TMIGD3: variants seen among roughly 807,000 people sequenced by gnomAD.
TMIGD3 encodes the protein transmembrane and immunoglobulin domain containing 3.
Under a neutral mutation model 28.1 loss-of-function variants are expected in TMIGD3, and 21 were observed. The observed-to-expected ratio is 0.75, with a 90% CI of 0.53 to 1.08. The LOEUF (loss-of-function observed/expected upper bound fraction) is 1.08, where lower values mean the gene tolerates loss of function less well. Ranked by LOEUF, TMIGD3 falls within the 50% of genes least tolerant of loss-of-function variation. The pLI, the probability that TMIGD3 is intolerant of heterozygous loss-of-function variation, is 0.00. For missense variants in TMIGD3, 416 were observed against 435.6 expected (o/e 0.96, Z 0.40); for synonymous variants, 151 against 162.1 (o/e 0.93, Z 0.52).
chr1:111,521,740 G>T (rs1656066602), intron 1 of TMIGD3, among the ~76,000 whole-genome samples: 1 of 152,084 alleles, frequency 6.6e-6, no homozygotes, highest in Non-Finnish European at 1.5e-5. Context: ...ATTCTTAAGA[G>T]TGCCTTATGA....
chr1:111,489,763 A>T (rs1654568647), intron 2 of TMIGD3: 1 of 1,018,266 alleles, frequency 9.8e-7, no homozygotes, highest in Non-Finnish European at 1.2e-6. Flanking sequence ...AGGGCTGAAA[A>T]CAGAGGAAGT....
intron 1 of TMIGD3, among the ~76,000 whole-genome samples, chr1:111,549,121 A>T (rs1433452507): frequency 6.6e-6 from 1 of 152,032 alleles, no homozygotes; most frequent in Non-Finnish European, 1.5e-5. Context: ...TTCACAATGG[A>T]TATTGGTCTG....
intron 1 of TMIGD3, among the ~76,000 whole-genome samples, chr1:111,509,965 A>G (rs1441332509): frequency 2.0e-5 from 3 of 152,270 alleles, no homozygotes; most frequent in African/African-American, 7.2e-5. Flanking sequence ...CTTGGCTGCA[A>G]AGCCCTGGCT....
chr1:111,525,213 A>G lies in TMIGD3; in HGVS notation c.108-34451T>C, dbSNP rs559154653. ...ATTGATGGTGTTATTCAGTCTTTCTATATGCTTGCTGACTTCCTGTCTACT... is the reference window on the plus strand; with the variant it reads ...ATTGATGGTGTTATTCAGTCTTTCTGTATGCTTGCTGACTTCCTGTCTACT... On this transcript the variant is annotated intron_variant, in intron 1 of 5. Coordinates refer to the TMIGD3 transcript ENST00000369717. Among the ~76,000 whole-genome samples, 13 of 152,310 alleles carry G rather than the reference A, an allele frequency of 8.5e-5. 2 individuals are homozygous for G. The highest frequency in any genetic ancestry group is 3.1e-4 in the African/African-American group (13 of 41,562).
intron 1 of TMIGD3, among the ~76,000 whole-genome samples, chr1:111,548,087 C>G (rs1657105211): frequency 6.6e-6 from 1 of 152,184 alleles, no homozygotes; most frequent in Non-Finnish European, 1.5e-5. Flanking sequence ...GTGGCACAAT[C>G]TCGGCTCACT....
chr1:111,486,662 A>G lies in TMIGD3; in HGVS notation c.806-10T>C. Reference sequence around the variant, plus strand: ...TTGTTGCCTGATAGGTCTGAATCAGAAAGGATTTGTTAAGTCAGGTGAGGC... The same window carrying G: ...TTGTTGCCTGATAGGTCTGAATCAGGAAGGATTTGTTAAGTCAGGTGAGGC... On this transcript the variant is annotated splice_polypyrimidine_tract_variant and intron_variant, in intron 3 of 5. Coordinates refer to ENST00000369716, the MANE Select transcript of TMIGD3 (RefSeq NM_020683.7). 1 of 1,613,492 alleles carries G rather than the reference A, an allele frequency of 6.2e-7. No homozygotes were observed. Among genetic ancestry groups the G allele is most frequent in the South Asian group, 1.1e-5 (1 of 91,040 alleles).
At chr1:111,515,595 G>T (rs1157816825) in intron 1 of TMIGD3, among the ~76,000 whole-genome samples, 1 of 152,234 alleles carries the variant, frequency 6.6e-6, no homozygotes, top group Non-Finnish European at 1.5e-5. Flanking sequence ...CAGCGGCTGG[G>T]TTCCGCGGCA....
At chr1:111,550,920 G>A (rs534028297) in intron 1 of TMIGD3, among the ~76,000 whole-genome samples, 1 of 152,306 alleles carries the variant, frequency 6.6e-6, no homozygotes, top group Non-Finnish European at 1.5e-5. Context: ...TGTTAGATGT[G>A]TACATGTTTA....
At chr1:111,533,391 T>C (rs545138931) in intron 1 of TMIGD3, among the ~76,000 whole-genome samples, 6 of 152,310 alleles carry the variant, frequency 3.9e-5, no homozygotes, top group South Asian at 2.1e-4. Flanking sequence ...AATAAAATAG[T>C]TTAAGAATGA....
At chr1:111,536,335 A>G (rs1048061962) in intron 1 of TMIGD3, among the ~76,000 whole-genome samples, 2 of 151,978 alleles carry the variant, frequency 1.3e-5, no homozygotes, top group African/African-American at 4.8e-5. Flanking sequence ...CAACTTCCAC[A>G]TTTTTCAGAT....
intron 1 of TMIGD3, among the ~76,000 whole-genome samples, chr1:111,544,009 G>A (rs139687171): frequency 3.3e-4 from 51 of 152,242 alleles, no homozygotes; most frequent in African/African-American, 1.2e-3. Flanking sequence ...GTCTCACTAG[G>A]CATCTATTGG....
intron 1 of TMIGD3, among the ~76,000 whole-genome samples, chr1:111,519,393 G>A (rs2101002027): frequency 6.6e-6 from 1 of 152,212 alleles, no homozygotes; most frequent in African/African-American, 2.4e-5. Flanking sequence ...CTTATCTTCA[G>A]CCATTGTTTA....
chr1:111,520,255 G>A (rs193237675), intron 1 of TMIGD3, among the ~76,000 whole-genome samples: 2 of 152,306 alleles, frequency 1.3e-5, no homozygotes, highest in Admixed American at 1.3e-4. Context: ...TGTTAGTGAA[G>A]TCCAAAGGCC....
chr1:111,535,003 T>C (rs1220949971), intron 1 of TMIGD3, among the ~76,000 whole-genome samples: 1 of 152,190 alleles, frequency 6.6e-6, no homozygotes, highest in Non-Finnish European at 1.5e-5. Context: ...GAAATTAGTA[T>C]AGTATCTAGC....
chr1:111,491,791 T>C (rs1422777076), intron 1 of TMIGD3, among the ~76,000 whole-genome samples: 2 of 152,236 alleles, frequency 1.3e-5, no homozygotes, highest in East Asian at 3.8e-4. Flanking sequence ...TGGAACTTAT[T>C]TGGATCCTGA....
At chr1:111,524,831 G>A (rs962896274) in intron 1 of TMIGD3, among the ~76,000 whole-genome samples, 2 of 151,998 alleles carry the variant, frequency 1.3e-5, no homozygotes, top group African/African-American at 4.8e-5. Flanking sequence ...TGTTGGCCAG[G>A]CTAGTCTCAA....
At chr1:111,483,903 T>G in intron 5 of TMIGD3, 146 bp from the exon 6 acceptor site, 2 of 659,986 alleles carry the variant, frequency 3.0e-6, no homozygotes, top group Non-Finnish European at 5.5e-6. Flanking sequence ...AGATCAGATA[T>G]CATTACTGCA....
chr1:111,518,176 A>C (rs1326112484), intron 1 of TMIGD3, among the ~76,000 whole-genome samples: 2 of 152,176 alleles, frequency 1.3e-5, no homozygotes, highest in African/African-American at 4.8e-5. Flanking sequence ...ACTGTTAGGG[A>C]CTTTTTCTGA....
intron 1 of TMIGD3, among the ~76,000 whole-genome samples, chr1:111,519,754 A>G (rs1655993546): frequency 6.7e-6 from 1 of 148,580 alleles, no homozygotes; most frequent in African/African-American, 2.5e-5. Flanking sequence ...GTGCAGTGGC[A>G]TGATCTCGGC....
Sources: allele counts gnomAD v4.1 joint callset (sites outside exome capture counted in the v4.1 genomes callset), GRCh38; gene constraint gnomAD v4.1.1; transcripts MANE v1.5; gene names NCBI Gene and HGNC (gene_info 2026-07-23, HGNC 2026-07-21).